Variants in TUBD1 observed in about 807,000 individuals in gnomAD.
TUBD1 encodes the protein tubulin delta chain.
In TUBD1, 38 loss-of-function variants were observed where a neutral mutation model predicts 51.2. That is an observed-to-expected ratio of 0.74 (90% confidence interval 0.57 to 0.97). The LOEUF (loss-of-function observed/expected upper bound fraction) is 0.97, where lower values mean the gene tolerates loss of function less well. Ranked by LOEUF, TUBD1 falls within the 50% of genes least tolerant of loss-of-function variation. The pLI, the probability that TUBD1 is intolerant of heterozygous loss-of-function variation, is 0.00. For synonymous variants in TUBD1, 169 were observed against 178.2 expected (o/e 0.95, Z 0.41); for missense variants, 489 against 538.4 (o/e 0.91, Z 0.91).
chr17:59,878,650 TTG>T (rs1568310746), intron 4 of TUBD1: 3 of 243,364 alleles, frequency 1.2e-5, no homozygotes, highest in Admixed American at 5.1e-5. Flanking sequence ...CAGCTAATTT[TTG>T]TGTTTTTAGT....
intron 6 of TUBD1, among the ~76,000 whole-genome samples, chr17:59,873,338 C>A (rs757197377): frequency 1.8e-4 from 27 of 152,004 alleles, no homozygotes; most frequent in Non-Finnish European, 3.5e-4. Flanking sequence ...CAGCCTTGAC[C>A]TCCTGGGCTC....
intron 2 of TUBD1, 30 bp from the exon 3 acceptor site, chr17:59,886,260 G>T (rs547569294): frequency 1.9e-6 from 3 of 1,545,800 alleles, no homozygotes; most frequent in Non-Finnish European, 2.6e-6. Context: ...CAAAAACATC[G>T]AAAGAAAAAA....
intron 5 of TUBD1, among the ~76,000 whole-genome samples, chr17:59,877,852 A>G (rs1333464286): frequency 6.6e-6 from 1 of 152,062 alleles, no homozygotes; most frequent in African/African-American, 2.4e-5. Flanking sequence ...ATATCTCAAC[A>G]TGGTTTCTAT....
intron 4 of TUBD1, among the ~76,000 whole-genome samples, chr17:59,880,537 C>T (rs539570038): frequency 9.9e-5 from 15 of 151,646 alleles, no homozygotes; most frequent in South Asian, 2.1e-4. Context: ...TTTTTTGAGA[C>T]GGAGTCTTGC....
chr17:59,881,159 C>T, intron 3 of TUBD1, 49 bp from the exon 4 acceptor site: 1 of 1,419,130 alleles, frequency 7.0e-7, no homozygotes, highest in Non-Finnish European at 9.9e-7. Flanking sequence ...AATTTAACCA[C>T]AGATATGTAA....
At chr17:59,884,516 A>C (rs1450035747) in intron 3 of TUBD1, 1 of 152,216 alleles carries the variant, frequency 6.6e-6, no homozygotes, top group Non-Finnish European at 1.5e-5. Flanking sequence ...CGGGAAGCTG[A>C]GGCAGGAGAA....
At chr17:59,885,950 T>A (rs542355330) in intron 3 of TUBD1, 133 bp downstream of exon 3, 8 of 1,008,798 alleles carry the variant, frequency 7.9e-6, no homozygotes, top group Middle Eastern at 3.1e-4. Flanking sequence ...CTGGGTAAAA[T>A]AAAATTCTAA....
At chr17:59,862,729 T>C in intron 8 of TUBD1, among the ~76,000 whole-genome samples, 1 of 129,962 alleles carries the variant, frequency 7.7e-6, no homozygotes, top group Non-Finnish European at 1.7e-5. Flanking sequence ...TTTTTTTTTT[T>C]TTTTTTTTTT....
intron 3 of TUBD1, chr17:59,885,636 A>G: frequency 1.3e-6 from 1 of 750,614 alleles, no homozygotes; most frequent in South Asian, 1.6e-5. Context: ...TCCCTAATAA[A>G]ACTCAGTGCT....
intron 7 of TUBD1, 121 bp downstream of exon 7, chr17:59,866,488 T>A: frequency 7.5e-7 from 1 of 1,336,242 alleles, no homozygotes; most frequent in Non-Finnish European, 1.0e-6. Context: ...ATTTTGCCAC[T>A]AAAACACACA....
intron 4 of TUBD1, among the ~76,000 whole-genome samples, chr17:59,880,067 A>T (rs1295924): frequency 0.014 from 2,132 of 150,180 alleles, 51 homozygotes; most frequent in African/African-American, 0.049. Flanking sequence ...TCTTAAAAAA[A>T]TTTTTTTTTG....
intron 3 of TUBD1, among the ~76,000 whole-genome samples, chr17:59,881,429 G>T (rs1382793484): frequency 2.0e-5 from 3 of 152,122 alleles, no homozygotes; most frequent in Non-Finnish European, 4.4e-5. Flanking sequence ...TGGCATAAAT[G>T]GGTTAACAGG....
chr17:59,877,645 A>G (rs1372121243), intron 5 of TUBD1, among the ~76,000 whole-genome samples: 1 of 152,012 alleles, frequency 6.6e-6, no homozygotes, highest in African/African-American at 2.4e-5. Context: ...GCACGTGCCT[A>G]TAGTGTAGTG....
At chr17:59,888,861 A>C (rs1222671163) in intron 2 of TUBD1, among the ~76,000 whole-genome samples, 1 of 151,238 alleles carries the variant, frequency 6.6e-6, no homozygotes, top group East Asian at 1.9e-4. Context: ...ACAGGCACGC[A>C]CCACTACGCT....
At chr17:59,882,610 CT>C (rs2040539325) in intron 3 of TUBD1, among the ~76,000 whole-genome samples, 1 of 151,494 alleles carries the variant, frequency 6.6e-6, no homozygotes, top group African/African-American at 2.4e-5. Flanking sequence ...ATCTTTTTTC[CT>C]TTTTGAGTTA....
intron 2 of TUBD1, among the ~76,000 whole-genome samples, chr17:59,889,379 A>G (rs2040881493): frequency 6.7e-6 from 1 of 150,312 alleles, no homozygotes; most frequent in African/African-American, 2.4e-5. Flanking sequence ...TAAGAAAAGA[A>G]AGAGAGGCTG....
intron 6 of TUBD1, among the ~76,000 whole-genome samples, chr17:59,873,210 T>C (rs2040075352): frequency 6.6e-6 from 1 of 151,798 alleles, no homozygotes; most frequent in Non-Finnish European, 1.5e-5. Context: ...CTGTTTTTCC[T>C]TGTCATAAAT....
Position 59,867,823 on chromosome 17 carries a change from G to A in TUBD1, c.935-1074C>T, listed in dbSNP as rs576598840. Among the ~76,000 whole-genome samples, 5 of 152,170 alleles carry A rather than the reference G, an allele frequency of 3.3e-5. No homozygotes were observed. The East Asian group carries it at 9.7e-4, about 29-fold the overall frequency. On this transcript the variant is annotated intron_variant, in intron 6 of 8. Transcript: ENST00000325752. ...GAGGACATGACTTAGGGACAGCGCA[G>A]AGAACAGTAGTCAGCCTCCAAAATG...
At chr17:59,873,413 A>G (rs1351203831) in intron 6 of TUBD1, among the ~76,000 whole-genome samples, 1 of 151,844 alleles carries the variant, frequency 6.6e-6, no homozygotes, top group African/African-American at 2.4e-5. Flanking sequence ...CCATGTCCAG[A>G]TAATTTTTTA....
Sources: allele counts gnomAD v4.1 joint callset (sites outside exome capture counted in the v4.1 genomes callset), GRCh38; gene constraint gnomAD v4.1.1; transcripts MANE v1.5; gene names NCBI Gene and HGNC (gene_info 2026-07-23, HGNC 2026-07-21).